The following GBF1 variants were observed in gnomAD, a reference collection of about 807,000 sequenced individuals.
The protein encoded by GBF1 is Golgi-specific brefeldin A-resistance guanine nucleotide exchange factor 1.
Under a neutral mutation model 210.5 loss-of-function variants are expected in GBF1, and 114 were observed. The ratio of observed to expected loss-of-function variants is 0.54; its 90% CI spans 0.47 to 0.63. The LOEUF (loss-of-function observed/expected upper bound fraction) is 0.63. Among genes scored for constraint, GBF1 ranks in the 30% least tolerant of loss-of-function variants. The probability of loss-of-function intolerance (pLI) is 0.00; values close to 1 mark genes in which losing one functional copy is unlikely to be tolerated. For synonymous variants in GBF1, 850 were observed against 889.2 expected (o/e 0.96, Z 0.78); for missense variants, 1,851 against 2,357.7 (o/e 0.79, Z 4.45).
intron 7 of GBF1, 141 bp from the exon 8 acceptor site, chr10:102,353,459 A>T: frequency 1.4e-6 from 1 of 710,042 alleles, no homozygotes; most frequent in Non-Finnish European, 2.6e-6. Context: ...GAAAAGGATG[A>T]AATTAGTCTG....
chr10:102,351,499 T>G (rs2058975941), intron 5 of GBF1, 125 bp downstream of exon 5: 1 of 671,876 alleles, frequency 1.5e-6, no homozygotes, highest in African/African-American at 1.8e-5. Context: ...CTACTTTGTT[T>G]CCAGACAAGC....
chr10:102,358,679 A>G lies in GBF1; in HGVS notation c.961A>G (p.Thr321Ala), dbSNP rs1358451350. The change falls in exon 10 of 40, where the codon ACA (threonine) becomes GCA (alanine). Residue 321 changes from threonine (T) to alanine (A), a missense_variant. Transcript: ENST00000369983. ...TGGCTCTCCAGGGTACAGCACAGCT[A>G]CAGAGCCTGGAAGCAGTGAGCTAGG... ...QPGSPGYSTA[T>A]EPGSSELGVP... 1 of 1,614,048 alleles carries G rather than the reference A, an allele frequency of 6.2e-7. No individual in the cohort carries two copies. The highest frequency in any genetic ancestry group is 1.3e-5 in the African/African-American group (1 of 74,946).
intron 3 of GBF1, among the ~76,000 whole-genome samples, chr10:102,292,296 GA>G (rs1049048448): frequency 3.3e-5 from 5 of 150,924 alleles, no homozygotes; most frequent in Non-Finnish European, 5.9e-5. Flanking sequence ...AAACAGAAAA[GA>G]AAAAAAAATT....
At chr10:102,301,642 A>G (rs1327100452) in intron 3 of GBF1, among the ~76,000 whole-genome samples, 1 of 151,022 alleles carries the variant, frequency 6.6e-6, no homozygotes, top group African/African-American at 2.4e-5. Context: ...GCGGCCGGGC[A>G]GAGGCGCTCC....
intron 11 of GBF1, among the ~76,000 whole-genome samples, 195 bp from the exon 12 acceptor site, chr10:102,359,989 C>T (rs1357008408): frequency 1.3e-5 from 2 of 152,014 alleles, no homozygotes; most frequent in African/African-American, 4.8e-5. Context: ...TGGTCTCAAA[C>T]TCCTGGCCTC....
chr10:102,288,430 G>A (rs764053692), intron 3 of GBF1, among the ~76,000 whole-genome samples: 3 of 152,174 alleles, frequency 2.0e-5, no homozygotes, highest in South Asian at 2.1e-4. Context: ...ACGAAATTAC[G>A]GCCGGGCGCG....
intron 3 of GBF1, among the ~76,000 whole-genome samples, chr10:102,315,255 G>T (rs777287717): frequency 2.0e-5 from 3 of 152,104 alleles, no homozygotes; most frequent in Admixed American, 2.0e-4. Flanking sequence ...CCCTGGCCAC[G>T]GACCCGTTAG....
At chr10:102,335,754 T>C (rs1356063214) in intron 3 of GBF1, among the ~76,000 whole-genome samples, 1 of 152,218 alleles carries the variant, frequency 6.6e-6, no homozygotes, top group Non-Finnish European at 1.5e-5. Context: ...GTATGTAAAG[T>C]GCATAGCACT....
In GBF1 at chr10:102,366,544, G is replaced by A. The variant is rs781699164; in HGVS notation, c.2433+38G>A. The A allele has an allele frequency of 6.3e-7, 1 of 1,585,492 alleles. No homozygotes were observed. Among genetic ancestry groups the A allele is most frequent in the South Asian group, 1.1e-5 (1 of 90,402 alleles). On this transcript the variant is annotated intron_variant, in intron 19 of 39. Transcript: ENST00000369983. The surrounding 1 kb of genome is among the most constrained non-coding windows in gnomAD (Gnocchi z 4.0). ...GTCAGGGGCTGAGCCCAGGATCCAA[G>A]GTCAGTTTGACTGAGGGCTGAAGAA...
chr10:102,290,515 A>C (rs1311912349), intron 3 of GBF1, among the ~76,000 whole-genome samples: 1 of 151,802 alleles, frequency 6.6e-6, no homozygotes, highest in African/African-American at 2.4e-5. Context: ...ATTTAATTTA[A>C]ATTTTCAGAC....
In GBF1 at chr10:102,344,190, C is replaced by G; in HGVS notation, c.295+8C>G. 1 of 1,613,776 alleles carries G rather than the reference C, an allele frequency of 6.2e-7. No homozygotes were observed. Among genetic ancestry groups the G allele is most frequent in the South Asian group, 1.1e-5 (1 of 91,068 alleles). ...TGTCCTATGCACTCATAGGTAAGAGCTCAGGCTTTGTTGCATGACCACAGC... is the reference window on the plus strand; with the variant it reads ...TGTCCTATGCACTCATAGGTAAGAGGTCAGGCTTTGTTGCATGACCACAGC... On this transcript the variant is annotated splice_region_variant and intron_variant, in intron 4 of 39. Coordinates refer to ENST00000369983, the MANE Select transcript of GBF1 (RefSeq NM_001377137.1).
At chr10:102,369,141 C>G in intron 23 of GBF1, 70 bp from the exon 24 acceptor site, 1 of 1,130,752 alleles carries the variant, frequency 8.8e-7, no homozygotes, top group Non-Finnish European at 1.3e-6. Context: ...CCATCATAGG[C>G]AGAGACCTAA....
At chr10:102,283,783 G>A (rs1046910644) in intron 3 of GBF1, among the ~76,000 whole-genome samples, 1 of 152,162 alleles carries the variant, frequency 6.6e-6, no homozygotes, top group Non-Finnish European at 1.5e-5. Context: ...TATTCAGAAT[G>A]CAAAACAGGA....
rs2074055440 is a variant in GBF1 at position 102,268,190 on chromosome 10, ACT to A, written c.163+8077_163+8078del. Reference sequence around the variant, plus strand: ...TTGTACTCAAGGTTAGGAAATGAAGACTCTTGAGAAGAAACAGCTCTGCATAA... The same window carrying A: ...TTGTACTCAAGGTTAGGAAATGAAGACTTGAGAAGAAACAGCTCTGCATAA... On this transcript the variant is annotated intron_variant, in intron 3 of 39. Coordinates refer to ENST00000369983, the MANE Select transcript of GBF1 (RefSeq NM_001377137.1). Among the ~76,000 whole-genome samples the A allele has an allele frequency of 3.9e-5, 6 of 152,132 alleles. No homozygotes were observed. In the South Asian group the frequency reaches 1.2e-3, roughly 32 times the overall value.
chr10:102,297,496 C>A (rs906828784), intron 3 of GBF1, among the ~76,000 whole-genome samples: 1 of 152,214 alleles, frequency 6.6e-6, no homozygotes, highest in African/African-American at 2.4e-5. Flanking sequence ...ATTCACATAG[C>A]AAACATCAGT....
intron 30 of GBF1, among the ~76,000 whole-genome samples, chr10:102,375,990 C>T (rs777900316): frequency 2.6e-5 from 4 of 151,920 alleles, no homozygotes; most frequent in Non-Finnish European, 5.9e-5. Flanking sequence ...GAAAGCCTGG[C>T]TTCATAGCCT....
intron 3 of GBF1, among the ~76,000 whole-genome samples, chr10:102,274,380 G>A (rs1180875975): frequency 6.6e-6 from 1 of 151,928 alleles, no homozygotes; most frequent in African/African-American, 2.4e-5. Context: ...TGGAAATTCT[G>A]TGCATGGCAG....
intron 3 of GBF1, among the ~76,000 whole-genome samples, chr10:102,312,643 A>T (rs940647148): frequency 1.3e-5 from 2 of 152,192 alleles, no homozygotes; most frequent in African/African-American, 4.8e-5. Context: ...TCTTAGTTGG[A>T]GTAAGCCTAT....
In GBF1 at chr10:102,376,926, T is replaced by C; in HGVS notation, c.4289-9T>C. 1 of 1,613,408 alleles carries C rather than the reference T, an allele frequency of 6.2e-7. No homozygotes were observed. Among genetic ancestry groups the C allele is most frequent in the Non-Finnish European group, 8.5e-7 (1 of 1,179,392 alleles). ...CACAGAAATGTGACCTGAGTCTGGC[T>C]CTGCTCAGGATGCAAGTCCCAGGAG... On this transcript the variant is annotated splice_polypyrimidine_tract_variant and intron_variant, in intron 32 of 39. Coordinates refer to ENST00000369983, the MANE Select transcript of GBF1 (RefSeq NM_001377137.1).
Sources: gnomAD v4.1 joint callset for allele counts (sites outside exome capture counted in the v4.1 genomes callset) on GRCh38, gnomAD v4.1.1 for gene constraint, Gnocchi (gnomAD v3.1) non-coding constraint, MANE v1.5 for transcripts, NCBI Gene and HGNC (gene_info 2026-07-23, HGNC 2026-07-21) for gene names.